ENAH: variants seen among roughly 807,000 people sequenced by gnomAD.
ENAH encodes protein enabled homolog.
A neutral mutation model predicts 78.7 loss-of-function variants in ENAH; 23 were observed. That is an observed-to-expected ratio of 0.29 (90% confidence interval 0.21 to 0.41). ENAH has a LOEUF of 0.41. ENAH is among the 10% of genes least tolerant of loss of function. The pLI, the probability that ENAH is intolerant of heterozygous loss-of-function variation, is 1.00. For synonymous variants in ENAH, 226 were observed against 241.0 expected (o/e 0.94, Z 0.58); for missense variants, 544 against 691.0 (o/e 0.79, Z 2.39).
At chr1:225,567,154 TG>T in intron 2 of ENAH, 94 bp downstream of exon 2, 1 of 1,373,326 alleles carries the variant, frequency 7.3e-7, no homozygotes, top group African/African-American at 1.5e-5. Flanking sequence ...GAGACTATTT[TG>T]ATTACAGTTT....
rs1302366082 is a variant in ENAH at position 225,490,775 on chromosome 1, A to C, written c.*7000T>G. On this transcript the variant is annotated 3_prime_UTR_variant, in exon 14 of 14. Transcript: ENST00000366843. ...AATTACTTTCCTCAGATAAACTATA[A>C]GCTATTCTTCTCCTGGAAATTTAAG... 2.0e-5 allele frequency: 3 copies of C among 152,222 alleles called. No homozygotes were observed. Among genetic ancestry groups the C allele is most frequent in the African/African-American group, 4.8e-5 (2 of 41,434 alleles). The allele number at this position is 152,222 out of a possible 1,614,324, so 9.4% of individuals were successfully genotyped here. A position where few individuals can be genotyped will look rare whatever the true frequency, so the allele number is the denominator to read the frequency against.
chr1:225,527,335 A>G (rs989012340), intron 4 of ENAH, among the ~76,000 whole-genome samples: 6 of 152,242 alleles, frequency 3.9e-5, no homozygotes, highest in Admixed American at 2.0e-4. Context: ...GTTTTAAAAA[A>G]TGATTTTTAT....
chr1:225,553,831 G>C (rs2096653318), intron 3 of ENAH, among the ~76,000 whole-genome samples: 1 of 152,152 alleles, frequency 6.6e-6, no homozygotes, highest in Non-Finnish European at 1.5e-5. Flanking sequence ...CTATGTATAA[G>C]TTATGTATTG....
chr1:225,617,188 A>C (rs1655906595), intron 1 of ENAH, among the ~76,000 whole-genome samples: 1 of 152,238 alleles, frequency 6.6e-6, no homozygotes, highest in Non-Finnish European at 1.5e-5. Flanking sequence ...CACGAAAAAG[A>C]AAAGGACATT....
At chr1:225,639,503 T>G (rs910690393) in intron 1 of ENAH, among the ~76,000 whole-genome samples, 1 of 152,128 alleles carries the variant, frequency 6.6e-6, no homozygotes, top group Non-Finnish European at 1.5e-5. Flanking sequence ...AACCCCTTTT[T>G]TCTGTTTTGA....
Position 225,488,476 on chromosome 1 carries a change from G to C in ENAH, c.*9299C>G, listed in dbSNP as rs1340178942. ...CCAGCTACATAATAGGGACTTTCAG[G>C]ATGCTCCTATAAATACAGACTCCAG... On this transcript the variant is annotated 3_prime_UTR_variant, in exon 14 of 14. Transcript: ENST00000366843. 1 of 151,894 alleles carries C rather than the reference G, an allele frequency of 6.6e-6. No individual in the cohort carries two copies. The highest frequency in any genetic ancestry group is 2.4e-5 in the African/African-American group (1 of 41,332). 9.4% of individuals were successfully genotyped at this position (151,894 alleles called of 1,614,324 possible).
chr1:225,518,005 G>A (rs886551092), intron 5 of ENAH: 1 of 1,530,656 alleles, frequency 6.5e-7, no homozygotes, highest in African/African-American at 1.4e-5. Context: ...ACAGAAGGTG[G>A]AAAGCAGCAG....
At chr1:225,590,327 T>G (rs1017002935) in intron 1 of ENAH, among the ~76,000 whole-genome samples, 2 of 151,440 alleles carry the variant, frequency 1.3e-5, no homozygotes, top group African/African-American at 4.9e-5. Context: ...AATACAAAAA[T>G]TACCCGGGCA....
At chr1:225,506,180 A>T (rs559365411) in intron 11 of ENAH, among the ~76,000 whole-genome samples, 1 of 152,284 alleles carries the variant, frequency 6.6e-6, no homozygotes, top group African/African-American at 2.4e-5. Flanking sequence ...TGAAATGCAG[A>T]TCAATGAAGC....
rs1186764371 is a variant in ENAH, at chr1:225,612,660, T to A, written c.5+40026A>T. ...ATACTTAATGCTGGCCAGGATACAG[T>A]AAACACTCTCTACACTTTGGTAATT... On this transcript the variant is annotated intron_variant, in intron 1 of 13. Coordinates refer to ENST00000366843, the MANE Select transcript of ENAH (RefSeq NM_018212.6). 2.0e-5 allele frequency among the ~76,000 whole-genome samples: 3 copies of A among 152,216 alleles called. No homozygotes were observed. In the East Asian group the frequency reaches 5.8e-4, roughly 29 times the overall value.
At chr1:225,606,010 C>T (rs1259102610) in intron 1 of ENAH, among the ~76,000 whole-genome samples, 1 of 152,180 alleles carries the variant, frequency 6.6e-6, no homozygotes, top group Non-Finnish European at 1.5e-5. Flanking sequence ...TACTGAACAT[C>T]TTAAAAACCT....
At position 225,517,635 on chromosome 1, in the gene ENAH, A is replaced by G; in HGVS notation, c.803-329T>C. 5 of 1,550,904 alleles carry G rather than the reference A, an allele frequency of 3.2e-6. No homozygotes were observed. In the South Asian group the frequency reaches 5.9e-5, roughly 18 times the overall value. On this transcript the variant is annotated intron_variant, in intron 5 of 13. Transcript: ENST00000366843. ...GAGGAGATGGAGGGAGGGGCGAAAA[A>G]TTGGAAGTAGACCAGGCACAGGGCT...
intron 1 of ENAH, among the ~76,000 whole-genome samples, chr1:225,647,686 C>G (rs1442313658): frequency 6.6e-6 from 1 of 152,178 alleles, no homozygotes; most frequent in African/African-American, 2.4e-5. Flanking sequence ...CCAAATACTA[C>G]ACTACACCCT....
intron 1 of ENAH, among the ~76,000 whole-genome samples, chr1:225,608,846 G>C (rs1408963462): frequency 1.4e-5 from 2 of 139,714 alleles, no homozygotes; most frequent in Non-Finnish European, 3.0e-5. Flanking sequence ...AAAAAAGGAG[G>C]GGGGTCTTGG....
intron 1 of ENAH, among the ~76,000 whole-genome samples, chr1:225,584,078 G>A (rs1054710251): frequency 1.1e-4 from 16 of 152,084 alleles, no homozygotes; most frequent in East Asian, 5.8e-4. Context: ...GCTTGAACCC[G>A]GGAGATGGAG....
intron 1 of ENAH, among the ~76,000 whole-genome samples, chr1:225,646,287 C>T (rs1362129862): frequency 6.6e-6 from 1 of 151,970 alleles, no homozygotes. Flanking sequence ...TAGGAGGTAA[C>T]TAATGTTAAA....
In ENAH at chr1:225,589,245, C is replaced by T. The variant is rs182661195; in HGVS notation, c.6-21831G>A. ...AATCTTGAAAGGAGTTTGAGTTACA[C>T]GTTTGCATCTGTTAAAACTTTCCCA... On this transcript the variant is annotated intron_variant, in intron 1 of 13. Transcript: ENST00000366843. 2.6e-5 allele frequency among the ~76,000 whole-genome samples: 4 copies of T among 152,202 alleles called. No individual in the cohort carries two copies. In the East Asian group the frequency reaches 7.7e-4, roughly 29 times the overall value.
intron 1 of ENAH, among the ~76,000 whole-genome samples, chr1:225,637,923 A>G (rs1395164084): frequency 6.6e-6 from 1 of 152,096 alleles, no homozygotes; most frequent in African/African-American, 2.4e-5. Flanking sequence ...CTTGTCTCAA[A>G]ACAAGAAAAA....
chr1:225,524,504 T>C, intron 4 of ENAH: 2 of 588,448 alleles, frequency 3.4e-6, no homozygotes, highest in South Asian at 7.5e-5. Flanking sequence ...AGCATTTCAC[T>C]TCACTATCAG....
Sources: allele counts gnomAD v4.1 joint callset (sites outside exome capture counted in the v4.1 genomes callset), GRCh38; gene constraint gnomAD v4.1.1; transcripts MANE v1.5; gene names NCBI Gene and HGNC (gene_info 2026-07-23, HGNC 2026-07-21).